The following KIF5C variants were observed in gnomAD, a reference collection of about 807,000 sequenced individuals.
The protein encoded by KIF5C is kinesin family member 5C, also known as kinesin heavy chain isoform 5C.
Under a neutral mutation model 125.2 loss-of-function variants are expected in KIF5C, and 18 were observed. The observed-to-expected ratio is 0.14, with a 90% confidence interval of 0.10 to 0.21. The LOEUF is 0.21. Among genes scored for constraint, KIF5C ranks in the 10% least tolerant of loss-of-function variants. KIF5C has a pLI of 1.00. For synonymous variants in KIF5C, 405 were observed against 434.0 expected, an observed-to-expected ratio of 0.93 and a Z score of 0.83; for missense variants, 780 against 1,183.8, an observed-to-expected ratio of 0.66 and a Z score of 5.01.
intron 10 of KIF5C, among the ~76,000 whole-genome samples, chr2:148,954,189 C>T (rs1273683406): frequency 1.3e-5 from 2 of 152,194 alleles, no homozygotes; most frequent in African/African-American, 4.8e-5. Context: ...TCCATTCAGT[C>T]GGGGTTGTTT....
At chr2:148,915,972 T>G (rs1388251439) in intron 1 of KIF5C, among the ~76,000 whole-genome samples, 1 of 152,160 alleles carries the variant, frequency 6.6e-6, no homozygotes, top group African/African-American at 2.4e-5. Context: ...AGCCATTGAC[T>G]AAGAACTGCT....
rs760114111 is a variant in KIF5C at position 148,981,365 on chromosome 2, C to T, written c.1373C>T (p.Ser458Phe). Reference sequence around the variant, plus strand: ...ATCTCATTTCCCCAGCTTTTAGCTTCCACAAGAAGAGACTATGAGAAGATA... The same window carrying T: ...ATCTCATTTCCCCAGCTTTTAGCTTTCACAAGAAGAGACTATGAGAAGATA... ...QMLDQDELLA[S>F]TRRDYEKIQE... Residue 458 changes from serine (S) to phenylalanine (F), a missense_variant, in exon 14 of 26, where the codon TCC (serine) becomes TTC (phenylalanine). Around this residue, in one of 2 missense-constraint regions of KIF5C, gnomAD observed 573 missense variants for 742.6 expected, o/e 0.77. Transcript: ENST00000435030. 4 of 1,608,428 alleles carry T rather than the reference C, an allele frequency of 2.5e-6. No individual in the cohort carries two copies. The highest frequency in any genetic ancestry group is 2.2e-5 in the South Asian group (2 of 89,284).
At chr2:148,998,806 G>C (rs987483387) in intron 19 of KIF5C, 9 of 274,274 alleles carry the variant, frequency 3.3e-5, no homozygotes, top group Admixed American at 5.2e-5. Context: ...CAGTAGATGG[G>C]GGGGAGCATC....
rs765775284 is a variant in KIF5C, at chr2:148,997,425, C to T, written c.2100+85C>T. ...ATGCTTGTTCTAGGAAAATCTGTCACCTTCAGATCCGTATATGGCAAGGGA... is the reference window on the plus strand; with the variant it reads ...ATGCTTGTTCTAGGAAAATCTGTCATCTTCAGATCCGTATATGGCAAGGGA... On this transcript the variant is annotated intron_variant, in intron 18 of 25. Coordinates refer to ENST00000435030, the MANE Select transcript of KIF5C (RefSeq NM_004522.3). 18 of 1,594,090 alleles carry T rather than the reference C, an allele frequency of 1.1e-5. No homozygotes were observed. The South Asian group carries it at 2.0e-4, about 18-fold the overall frequency.
chr2:148,959,682 T>C (rs1207684873), intron 10 of KIF5C, among the ~76,000 whole-genome samples: 1 of 152,172 alleles, frequency 6.6e-6, no homozygotes, highest in Non-Finnish European at 1.5e-5. Flanking sequence ...TTCTGCACCA[T>C]CTCTGTCCTG....
chr2:148,962,996 C>T (rs1682965877), intron 11 of KIF5C, among the ~76,000 whole-genome samples: 1 of 149,466 alleles, frequency 6.7e-6, no homozygotes, highest in Non-Finnish European at 1.5e-5. Flanking sequence ...TTCCCCAAAA[C>T]ATTTTCTTTG....
At chr2:148,901,786 C>T (rs995818755) in intron 1 of KIF5C, among the ~76,000 whole-genome samples, 6 of 152,122 alleles carry the variant, frequency 3.9e-5, no homozygotes, top group Non-Finnish European at 7.3e-5. Flanking sequence ...TAGCTCCTTG[C>T]TCCTGGAAAC....
In KIF5C at chr2:148,950,246, ACTT is replaced by A. The variant is rs1682626346; in HGVS notation, c.820-67_820-65del. On this transcript the variant is annotated intron_variant, in intron 9 of 25. Coordinates refer to ENST00000435030, the MANE Select transcript of KIF5C (RefSeq NM_004522.3). Reference sequence around the variant, plus strand: ...TCTAAGCTCAGTGTCTTCATCCCTGACTTGCTTGCCTCTGTGTTTTTCTCAGAA... The same window carrying A: ...TCTAAGCTCAGTGTCTTCATCCCTGAGCTTGCCTCTGTGTTTTTCTCAGAA... 4 of 1,570,718 alleles carry A rather than the reference ACTT, an allele frequency of 2.5e-6. No homozygotes were observed. In the Admixed American group the frequency reaches 7.0e-5, roughly 27 times the overall value.
rs58631960 is a variant in KIF5C, at chr2:148,952,760, G to A, written c.968+2298G>A. Among the ~76,000 whole-genome samples the A allele has an allele frequency of 6.8e-3, 1,034 of 152,246 alleles. 17 individuals carry two copies. The highest frequency in any genetic ancestry group is 0.065 in the Middle Eastern group (19 of 294). Reference sequence around the variant, plus strand: ...GAATATTGGGAGGATTATATGAGTTGCTTCAGTTTTTACCTAGCACAAGGG... The same window carrying A: ...GAATATTGGGAGGATTATATGAGTTACTTCAGTTTTTACCTAGCACAAGGG... On this transcript the variant is annotated intron_variant, in intron 10 of 25. Transcript: ENST00000435030.
chr2:148,966,190 T>C (rs1683044845), intron 11 of KIF5C, among the ~76,000 whole-genome samples: 1 of 152,210 alleles, frequency 6.6e-6, no homozygotes, highest in Admixed American at 6.5e-5. Flanking sequence ...TATTTCCACA[T>C]GGCAGTCTCC....
intron 3 of KIF5C, among the ~76,000 whole-genome samples, chr2:148,933,603 C>T (rs887336161): frequency 2.0e-5 from 3 of 150,248 alleles, no homozygotes; most frequent in Admixed American, 6.6e-5. Context: ...CACACAGACA[C>T]GTCACACACA....
chr2:148,884,847 GCC>G (rs1681467195), intron 1 of KIF5C, among the ~76,000 whole-genome samples: 1 of 152,166 alleles, frequency 6.6e-6, no homozygotes, highest in Non-Finnish European at 1.5e-5. Context: ...AACAAGAGGA[GCC>G]TTTTGCCATG....
At chr2:149,022,449 A>G (rs1272169460) in intron 25 of KIF5C, among the ~76,000 whole-genome samples, 1 of 152,118 alleles carries the variant, frequency 6.6e-6, no homozygotes, top group Non-Finnish European at 1.5e-5. Context: ...AATATACACC[A>G]GATTGCAAAC....
chr2:148,956,570 A>G (rs560584098), intron 10 of KIF5C, among the ~76,000 whole-genome samples: 76 of 152,318 alleles, frequency 5.0e-4, no homozygotes, highest in African/African-American at 1.7e-3. Flanking sequence ...CCTAGATCAT[A>G]TATCATTAAA....
At chr2:148,995,953 G>A (rs930290287) in intron 17 of KIF5C, among the ~76,000 whole-genome samples, 1 of 152,042 alleles carries the variant, frequency 6.6e-6, no homozygotes, top group African/African-American at 2.4e-5. Context: ...TCAGGAGTTC[G>A]AGACCAGCCT....
intron 24 of KIF5C, 144 bp downstream of exon 24, chr2:149,010,495 G>T: frequency 1.5e-6 from 2 of 1,376,264 alleles, no homozygotes; most frequent in Non-Finnish European, 1.9e-6. Flanking sequence ...AGCCCTCACC[G>T]CACCCTGTGC....
chr2:148,952,372 T>C (rs1558913944), intron 10 of KIF5C, among the ~76,000 whole-genome samples: 1 of 152,218 alleles, frequency 6.6e-6, no homozygotes, highest in Non-Finnish European at 1.5e-5. Context: ...CTTGGGGCAT[T>C]GCTGTTATCA....
intron 1 of KIF5C, among the ~76,000 whole-genome samples, chr2:148,898,452 A>G (rs904264116): frequency 2.0e-5 from 3 of 152,206 alleles, no homozygotes; most frequent in Non-Finnish European, 4.4e-5. Flanking sequence ...GACCAGTGGG[A>G]ATTAAGGTTG....
chr2:148,938,902 A>G (rs113633467), intron 4 of KIF5C, among the ~76,000 whole-genome samples: 4 of 151,858 alleles, frequency 2.6e-5, no homozygotes, highest in African/African-American at 9.7e-5. Flanking sequence ...CCTGGCCAAC[A>G]TGGTGAAACC....
Sources: allele counts gnomAD v4.1 joint callset (sites outside exome capture counted in the v4.1 genomes callset), GRCh38; gene constraint gnomAD v4.1.1; regional missense constraint gnomAD v4.1.1; transcripts MANE v1.5; gene names NCBI Gene and HGNC (gene_info 2026-07-23, HGNC 2026-07-21).